Variants in AGPS observed in about 807,000 individuals in gnomAD.
AGPS encodes the protein alkylglycerone phosphate synthase.
Under a neutral mutation model 90.7 loss-of-function variants are expected in AGPS, and 26 were observed. The ratio of observed to expected loss-of-function variants is 0.29; its 90% CI spans 0.21 to 0.40. The LOEUF is 0.40. Among genes scored for constraint, AGPS ranks in the 10% least tolerant of loss-of-function variants. The probability of loss-of-function intolerance (pLI) is 1.00; values close to 1 mark genes in which losing one functional copy is unlikely to be tolerated. For missense variants in AGPS, 540 were observed against 816.1 expected (o/e 0.66, Z 4.12); for synonymous variants, 294 against 285.3 (o/e 1.03, Z -0.31).
At chr2:177,474,328 A>C (rs1378858613) in intron 10 of AGPS, among the ~76,000 whole-genome samples, 1 of 152,198 alleles carries the variant, frequency 6.6e-6, no homozygotes, top group African/African-American at 2.4e-5. Flanking sequence ...AGCCATGCAG[A>C]CACGTTGAAA....
chr2:177,444,308 C>A (rs1267595161), intron 7 of AGPS, among the ~76,000 whole-genome samples: 14 of 151,642 alleles, frequency 9.2e-5, no homozygotes, highest in Non-Finnish European at 8.8e-5. Context: ...GTAAACCCAG[C>A]TACTCAGGAG....
intron 17 of AGPS, among the ~76,000 whole-genome samples, chr2:177,518,095 G>C (rs994694887): frequency 1.2e-4 from 19 of 152,234 alleles, no homozygotes; most frequent in Admixed American, 3.3e-4. Flanking sequence ...GTACCTGCCA[G>C]GTTTCTCCAC....
intron 19 of AGPS, among the ~76,000 whole-genome samples, chr2:177,537,794 T>TTGAGAAAATGGGCTATTGTTA (rs2079197156): frequency 6.6e-6 from 1 of 152,120 alleles, no homozygotes; most frequent in Non-Finnish European, 1.5e-5. Context: ...CATTTTGTTA[T>TTGAGAAAATGGGCTATTGTTA]TTGTAAAATG....
intron 2 of AGPS, among the ~76,000 whole-genome samples, chr2:177,430,501 G>T (rs1018537821): frequency 2.0e-5 from 3 of 152,094 alleles, no homozygotes; most frequent in Admixed American, 6.5e-5. Context: ...GGTCATGAGG[G>T]GATCTCCTGA....
chr2:177,482,876 A>G (rs1199981945), intron 11 of AGPS, among the ~76,000 whole-genome samples: 1 of 152,066 alleles, frequency 6.6e-6, no homozygotes, highest in African/African-American at 2.4e-5. Flanking sequence ...CTCTCTCGGC[A>G]TTTGGTTTAT....
intron 11 of AGPS, among the ~76,000 whole-genome samples, chr2:177,486,272 A>G (rs1407744931): frequency 6.6e-6 from 1 of 152,216 alleles, no homozygotes; most frequent in East Asian, 1.9e-4. Context: ...TATAATGCAC[A>G]TGTAGAGAGG....
At chr2:177,447,224 C>T (rs1210548763) in intron 8 of AGPS, among the ~76,000 whole-genome samples, 1 of 151,764 alleles carries the variant, frequency 6.6e-6, no homozygotes. Flanking sequence ...TTGATCTGCT[C>T]CTGACCATTT....
At chr2:177,456,587 C>G (rs1687116778) in intron 8 of AGPS, among the ~76,000 whole-genome samples, 1 of 152,150 alleles carries the variant, frequency 6.6e-6, no homozygotes, top group South Asian at 2.1e-4. Context: ...GCTCATTCAG[C>G]ATGGGGAACA....
intron 2 of AGPS, among the ~76,000 whole-genome samples, chr2:177,433,278 A>G (rs1686295069): frequency 6.6e-6 from 1 of 152,262 alleles, no homozygotes; most frequent in Admixed American, 6.5e-5. Flanking sequence ...CAATAGTTAT[A>G]GGAATAGATG....
intron 17 of AGPS, among the ~76,000 whole-genome samples, chr2:177,519,484 C>T (rs1183446270): frequency 1.3e-5 from 2 of 152,146 alleles, no homozygotes; most frequent in Non-Finnish European, 2.9e-5. Flanking sequence ...TATCTTTAGA[C>T]TATGTCATAT....
chr2:177,484,555 A>G (rs977691521), intron 11 of AGPS, among the ~76,000 whole-genome samples: 1 of 152,012 alleles, frequency 6.6e-6, no homozygotes, highest in Non-Finnish European at 1.5e-5. Context: ...CGTGTTGGCC[A>G]GGCTCGTCTC....
intron 10 of AGPS, among the ~76,000 whole-genome samples, chr2:177,477,887 T>C (rs1395988269): frequency 2.6e-5 from 4 of 152,136 alleles, no homozygotes; most frequent in Non-Finnish European, 5.9e-5. Flanking sequence ...GCTTTTTAAA[T>C]CAGATGTGAG....
chr2:177,477,281 C>T (rs544908350), intron 10 of AGPS, among the ~76,000 whole-genome samples: 9 of 151,974 alleles, frequency 5.9e-5, no homozygotes, highest in African/African-American at 1.9e-4. Context: ...TTTTAATTGC[C>T]TTAGTGATTT....
At chr2:177,501,704 G>C (rs1025317448) in intron 14 of AGPS, among the ~76,000 whole-genome samples, 2 of 152,158 alleles carry the variant, frequency 1.3e-5, no homozygotes, top group African/African-American at 4.8e-5. Context: ...GTCTTGCTCT[G>C]TCACCCAGGC....
rs997058112 is a variant in AGPS, at chr2:177,517,154, A to G, written c.1697+3246A>G. ...CTTTGTGGGAGCCTCTGTAAATTGC[A>G]TATGGAGATTTGACTATGATTACCT... is the stretch of plus-strand genomic sequence containing the variant. On this transcript the variant is annotated intron_variant, in intron 17 of 19. Transcript: ENST00000264167. 8.5e-5 allele frequency among the ~76,000 whole-genome samples: 13 copies of G among 152,214 alleles called. No homozygotes were observed. In the East Asian group the frequency reaches 2.3e-3, roughly 27 times the overall value.
chr2:177,414,700 A>G (rs539294971), intron 1 of AGPS, among the ~76,000 whole-genome samples: 7 of 152,338 alleles, frequency 4.6e-5, no homozygotes, highest in African/African-American at 1.4e-4. Context: ...CTGTGTATAT[A>G]TGGAAGAAAG....
intron 19 of AGPS, among the ~76,000 whole-genome samples, chr2:177,524,281 A>G (rs1382932876): frequency 6.6e-6 from 1 of 152,206 alleles, no homozygotes; most frequent in Admixed American, 6.5e-5. Flanking sequence ...CAAGGTTTTA[A>G]TGCTGTTTTG....
chr2:177,449,970 T>A (rs1559051315), intron 8 of AGPS, among the ~76,000 whole-genome samples: 2 of 152,038 alleles, frequency 1.3e-5, no homozygotes, highest in Non-Finnish European at 2.9e-5. Context: ...CCCCAGTAGC[T>A]GGGACTACAG....
rs1253652659 is a variant in AGPS at position 177,423,015 on chromosome 2, G to A, written c.350+2657G>A. 5.2e-5 allele frequency among the ~76,000 whole-genome samples: 2 copies of A among 38,700 alleles called. 1 individual carries two copies. The highest frequency in any genetic ancestry group is 1.4e-4 in the Non-Finnish European group (2 of 14,810). 25.4% of individuals were successfully genotyped at this position (38,700 alleles called of 152,430 possible). A position where few individuals can be genotyped will look rare whatever the true frequency, so the allele number is the denominator to read the frequency against. Reference sequence around the variant, plus strand: ...GCTTACCTGAAGTCACCTGCATAGTGGTAAATTGGGATTAAAAACCAGGTG... The same window carrying A: ...GCTTACCTGAAGTCACCTGCATAGTAGTAAATTGGGATTAAAAACCAGGTG... On this transcript the variant is annotated intron_variant, in intron 2 of 19. Transcript: ENST00000264167.
Sources: gnomAD v4.1 joint callset for allele counts (sites outside exome capture counted in the v4.1 genomes callset) on GRCh38, gnomAD v4.1.1 for gene constraint, MANE v1.5 for transcripts, NCBI Gene and HGNC (gene_info 2026-07-23, HGNC 2026-07-21) for gene names.